The following ANKRD6 variants were observed in gnomAD, a reference collection of about 807,000 sequenced individuals.
ANKRD6 encodes the protein ankyrin repeat domain-containing protein 6.
A neutral mutation model predicts 82.3 loss-of-function variants in ANKRD6; 56 were observed. That is an observed-to-expected ratio of 0.68 (90% CI 0.55 to 0.85). ANKRD6 has a LOEUF of 0.85. Among genes scored for constraint, ANKRD6 ranks in the 40% least tolerant of loss-of-function variants. The pLI, the probability that ANKRD6 is intolerant of heterozygous loss-of-function variation, is 0.00. For missense variants in ANKRD6, 852 were observed against 907.6 expected (o/e 0.94, Z 0.79); for synonymous variants, 347 against 352.1 (o/e 0.99, Z 0.16).
intron 1 of ANKRD6, among the ~76,000 whole-genome samples, chr6:89,448,319 A>G (rs1243325486): frequency 6.6e-6 from 1 of 152,018 alleles, no homozygotes; most frequent in African/African-American, 2.4e-5. Context: ...CTGTAGTTCC[A>G]GCTACTCAGG....
At chr6:89,584,032 C>G (rs957601887) in intron 2 of ANKRD6, among the ~76,000 whole-genome samples, 5 of 152,212 alleles carry the variant, frequency 3.3e-5, no homozygotes, top group Admixed American at 6.5e-5. Context: ...CTGCTGAGTG[C>G]TTTATAACCC....
chr6:89,493,851 A>G (rs548063390), intron 1 of ANKRD6, among the ~76,000 whole-genome samples: 1 of 152,282 alleles, frequency 6.6e-6, no homozygotes, highest in South Asian at 2.1e-4. Context: ...CTCTTTTGTC[A>G]TATAAGGTAA....
chr6:89,521,193 T>C (rs1781843331), intron 1 of ANKRD6, among the ~76,000 whole-genome samples: 1 of 152,174 alleles, frequency 6.6e-6, no homozygotes, highest in Non-Finnish European at 1.5e-5. Context: ...GTCCTTGCCC[T>C]CACAGTGCTC....
intron 4 of ANKRD6, 96 bp downstream of exon 4, chr6:89,603,223 G>C: frequency 1.0e-6 from 1 of 998,150 alleles, no homozygotes; most frequent in Non-Finnish European, 1.5e-6. Flanking sequence ...TTGAGTCCTC[G>C]AGGTATTATA....
chr6:89,536,075 C>T (rs1260004332), intron 1 of ANKRD6, among the ~76,000 whole-genome samples: 2 of 152,134 alleles, frequency 1.3e-5, no homozygotes, highest in African/African-American at 4.8e-5. Flanking sequence ...TACTAAAATA[C>T]CAAAATTAGC....
At chr6:89,592,409 T>A (rs1308605913) in intron 2 of ANKRD6, among the ~76,000 whole-genome samples, 1 of 152,208 alleles carries the variant, frequency 6.6e-6, no homozygotes, top group Non-Finnish European at 1.5e-5. Flanking sequence ...ATTTTACAGA[T>A]GAGAAAATGC....
At chr6:89,532,247 C>T (rs534347903) in intron 1 of ANKRD6, among the ~76,000 whole-genome samples, 1 of 152,338 alleles carries the variant, frequency 6.6e-6, no homozygotes, top group African/African-American at 2.4e-5. Flanking sequence ...CCCTGTGGCC[C>T]AACCAAATTG....
chr6:89,547,510 C>G (rs1204411124), intron 1 of ANKRD6, among the ~76,000 whole-genome samples: 1 of 152,160 alleles, frequency 6.6e-6, no homozygotes, highest in African/African-American at 2.4e-5. Flanking sequence ...GGGCAGCCTG[C>G]CCTGCTCAGC....
At chr6:89,591,502 C>G (rs2128141116) in intron 2 of ANKRD6, among the ~76,000 whole-genome samples, 1 of 152,304 alleles carries the variant, frequency 6.6e-6, no homozygotes, top group South Asian at 2.1e-4. Context: ...CAGTTGCATC[C>G]TTAAGTCTAA....
chr6:89,442,837 A>G (rs115976390), intron 1 of ANKRD6, among the ~76,000 whole-genome samples: 1,890 of 152,264 alleles, frequency 0.012, 44 homozygotes, highest in African/African-American at 0.044. Context: ...ATAGGTGGCC[A>G]CCATTAGAGA....
intron 1 of ANKRD6, among the ~76,000 whole-genome samples, chr6:89,470,518 G>A (rs1298806693): frequency 6.6e-6 from 1 of 152,152 alleles, no homozygotes; most frequent in African/African-American, 2.4e-5. Flanking sequence ...ATACTCAGGA[G>A]GCTGAGGCAA....
At chr6:89,566,383 G>T (rs1366090648) in intron 1 of ANKRD6, among the ~76,000 whole-genome samples, 1 of 152,232 alleles carries the variant, frequency 6.6e-6, no homozygotes, top group Admixed American at 6.5e-5. Context: ...TCTCTGTGGG[G>T]TGTGTTCCAC....
intron 15 of ANKRD6, among the ~76,000 whole-genome samples, chr6:89,629,915 A>T (rs1268106645): frequency 6.6e-6 from 1 of 152,158 alleles, no homozygotes; most frequent in Non-Finnish European, 1.5e-5. Context: ...TCATGCTAGG[A>T]CTACTCTTAG....
chr6:89,627,742 A>C, intron 14 of ANKRD6, 46 bp downstream of exon 14: 1 of 1,569,812 alleles, frequency 6.4e-7, no homozygotes, highest in Non-Finnish European at 8.7e-7. Flanking sequence ...TTTACCACAC[A>C]GGCCCACTGA....
intron 1 of ANKRD6, among the ~76,000 whole-genome samples, chr6:89,556,752 T>G (rs1343001676): frequency 6.6e-6 from 1 of 152,250 alleles, no homozygotes. Context: ...AACTGAGCAC[T>G]TTCTATGTGG....
At chr6:89,526,872 C>T (rs1412097568) in intron 1 of ANKRD6, among the ~76,000 whole-genome samples, 1 of 152,222 alleles carries the variant, frequency 6.6e-6, no homozygotes, top group Non-Finnish European at 1.5e-5. Flanking sequence ...AACTGTCAGG[C>T]AGAGACTTCA....
chr6:89,509,139 A>C (rs950137457), intron 1 of ANKRD6: 1 of 152,306 alleles, frequency 6.6e-6, no homozygotes, highest in African/African-American at 2.4e-5. Context: ...GAAGTGCACC[A>C]GTGACCTGCC....
At chr6:89,596,049 G>C (rs768148774) in intron 3 of ANKRD6, 35 bp downstream of exon 3, 5 of 1,559,882 alleles carry the variant, frequency 3.2e-6, no homozygotes, top group Admixed American at 1.9e-5. Context: ...AGGCTGAGTT[G>C]GCAGGGGAGG....
At chr6:89,448,679 C>T (rs1430409060) in intron 1 of ANKRD6, among the ~76,000 whole-genome samples, 1 of 152,144 alleles carries the variant, frequency 6.6e-6, no homozygotes, top group Non-Finnish European at 1.5e-5. Context: ...GCCTACTAAA[C>T]ACAACATCCA....
Sources: gnomAD v4.1 joint callset for allele counts (sites outside exome capture counted in the v4.1 genomes callset) on GRCh38, gnomAD v4.1.1 for gene constraint, MANE v1.5 for transcripts, NCBI Gene and HGNC (gene_info 2026-07-23, HGNC 2026-07-21) for gene names.